Variants in ADD3 observed in about 807,000 individuals in gnomAD.
The protein encoded by ADD3 is gamma-adducin.
ADD3 carries 25 observed loss-of-function variants against 80.2 expected under a neutral mutation model. That is an observed-to-expected ratio of 0.31 (90% CI 0.23 to 0.44). The LOEUF (loss-of-function observed/expected upper bound fraction) is 0.44. Among genes scored for constraint, ADD3 ranks in the 20% least tolerant of loss-of-function variants. ADD3 has a pLI of 1.00. For missense variants in ADD3, 829 were observed against 847.5 expected, an observed-to-expected ratio of 0.98 and a Z score of 0.27; for synonymous variants, 284 against 289.6, an observed-to-expected ratio of 0.98 and a Z score of 0.20.
intron 2 of ADD3, chr10:110,112,353 C>G (rs1850148973): frequency 6.5e-6 from 1 of 154,370 alleles, no homozygotes; most frequent in South Asian, 2.0e-4. Flanking sequence ...CTCCCCACCT[C>G]AGGTGATCCA....
intron 1 of ADD3, among the ~76,000 whole-genome samples, chr10:110,094,836 T>A (rs1847971995): frequency 1.3e-5 from 2 of 152,236 alleles, no homozygotes; most frequent in South Asian, 4.1e-4. Flanking sequence ...ATTTGTTGTT[T>A]TGTTTTTTAA....
At chr10:110,113,256 T>C (rs548539429) in intron 3 of ADD3, among the ~76,000 whole-genome samples, 1 of 152,108 alleles carries the variant, frequency 6.6e-6, no homozygotes, top group South Asian at 2.1e-4. Context: ...TCTATTTTTG[T>C]TTTTTTGTTG....
In ADD3 at chr10:110,073,672, A is replaced by G. The variant is rs74429653; in HGVS notation, c.-29-26953A>G. On this transcript the variant is annotated intron_variant, in intron 1 of 14. Coordinates refer to ENST00000356080, the MANE Select transcript of ADD3 (RefSeq NM_016824.5). ...TACTCTGATCATCTCCTTGCCCCCT[A>G]TTTTTCTGTCATTTTGCTTTCCTTT... Among the ~76,000 whole-genome samples, 1,224 of 151,728 alleles carry G rather than the reference A, an allele frequency of 8.1e-3. 17 individuals are homozygous for G. The highest frequency in any genetic ancestry group is 0.027 in the African/African-American group (1,123 of 41,348).
intron 9 of ADD3, among the ~76,000 whole-genome samples, chr10:110,123,488 G>T (rs561599180): frequency 7.9e-5 from 12 of 152,236 alleles, no homozygotes; most frequent in Admixed American, 6.5e-4. Context: ...CCATTTGTAT[G>T]TCTTCTTTTG....
chr10:110,070,736 G>A (rs545250401), intron 1 of ADD3, among the ~76,000 whole-genome samples: 45 of 152,190 alleles, frequency 3.0e-4, no homozygotes, highest in Admixed American at 7.2e-4. Flanking sequence ...GGGGTTGAAG[G>A]ATAAAGATTG....
chr10:110,128,803 T>C (rs1020169647), intron 12 of ADD3, among the ~76,000 whole-genome samples: 1 of 152,234 alleles, frequency 6.6e-6, no homozygotes, highest in Non-Finnish European at 1.5e-5. Context: ...CTTATTGCTC[T>C]AAGGGTATCA....
chr10:110,025,931 A>G (rs1854236618), intron 1 of ADD3, among the ~76,000 whole-genome samples: 1 of 152,172 alleles, frequency 6.6e-6, no homozygotes, highest in South Asian at 2.1e-4. Context: ...AAAAAAGAAA[A>G]AAAAAATTTC....
At chr10:110,086,896 C>T (rs111288579) in intron 1 of ADD3, among the ~76,000 whole-genome samples, 3,768 of 152,276 alleles carry the variant, frequency 0.025, 102 homozygotes, top group South Asian at 0.13. Flanking sequence ...TCCCATAATC[C>T]AAGGGTCCCA....
At chr10:110,048,272 T>C (rs1176147154) in intron 1 of ADD3, among the ~76,000 whole-genome samples, 1 of 152,192 alleles carries the variant, frequency 6.6e-6, no homozygotes, top group Admixed American at 6.5e-5. Context: ...TCTCTTTTTC[T>C]TTATGAACTA....
intron 2 of ADD3, among the ~76,000 whole-genome samples, chr10:110,104,417 C>T (rs1849190125): frequency 1.3e-5 from 2 of 152,310 alleles, no homozygotes; most frequent in Middle Eastern, 3.4e-3. Flanking sequence ...TTTCTTCTTA[C>T]AGAAGTTTTA....
intron 1 of ADD3, among the ~76,000 whole-genome samples, chr10:110,035,328 C>T (rs1292796800): frequency 6.6e-6 from 1 of 152,152 alleles, no homozygotes; most frequent in Non-Finnish European, 1.5e-5. Context: ...CTATCACCAA[C>T]CCCATCTATC....
intron 2 of ADD3, among the ~76,000 whole-genome samples, chr10:110,104,027 G>T (rs1417103786): frequency 6.6e-6 from 1 of 152,104 alleles, no homozygotes; most frequent in East Asian, 1.9e-4. Context: ...TCTAAATGTA[G>T]TCCAGCTGCA....
Position 110,113,034 on chromosome 10 carries a change from T to C in ADD3, c.334+119T>C, listed in dbSNP as rs1038444241. The C allele has an allele frequency of 3.8e-6, 4 of 1,041,456 alleles. No homozygotes were observed. The African/African-American group carries it at 6.4e-5, about 17-fold the overall frequency. The allele number at this position is 1,041,456 out of a possible 1,614,324, so 64.5% of individuals were successfully genotyped here. A position where few individuals can be genotyped will look rare whatever the true frequency, so the allele number is the denominator to read the frequency against. On this transcript the variant is annotated intron_variant, in intron 3 of 14. Coordinates refer to ENST00000356080, the MANE Select transcript of ADD3 (RefSeq NM_016824.5). ...CCTTAAGTTTATAACATCTAATACT[T>C]AGAGTAACATAGTGTTAGACCCTCC...
chr10:110,087,402 A>G (rs1171252323), intron 1 of ADD3, among the ~76,000 whole-genome samples: 3 of 152,200 alleles, frequency 2.0e-5, no homozygotes, highest in Admixed American at 1.3e-4. Flanking sequence ...ATGATTTAGT[A>G]ACTGCTTTAA....
At chr10:110,080,052 T>C (rs1340435024) in intron 1 of ADD3, among the ~76,000 whole-genome samples, 6 of 152,220 alleles carry the variant, frequency 3.9e-5, no homozygotes, top group Non-Finnish European at 7.3e-5. Context: ...ATAATAGTGC[T>C]GTGTGGAAAT....
At chr10:110,036,930 A>T (rs1032567227) in intron 1 of ADD3, among the ~76,000 whole-genome samples, 6 of 152,182 alleles carry the variant, frequency 3.9e-5, no homozygotes, top group African/African-American at 1.4e-4. Context: ...GCCACAAAAA[A>T]TACAGCCTCT....
intron 1 of ADD3, among the ~76,000 whole-genome samples, chr10:110,033,035 T>C (rs1332269396): frequency 6.6e-6 from 1 of 152,232 alleles, no homozygotes; most frequent in Admixed American, 6.5e-5. Flanking sequence ...TGGACCTAAT[T>C]ACTCATTTAA....
intron 1 of ADD3, among the ~76,000 whole-genome samples, chr10:110,013,582 G>C (rs1852580473): frequency 6.6e-6 from 1 of 152,164 alleles, no homozygotes; most frequent in Non-Finnish European, 1.5e-5. Flanking sequence ...CTATATTAGT[G>C]AAACAATAAA....
intron 2 of ADD3, among the ~76,000 whole-genome samples, chr10:110,106,624 A>T (rs759842862): frequency 6.6e-6 from 1 of 152,140 alleles, no homozygotes; most frequent in Non-Finnish European, 1.5e-5. Flanking sequence ...CTCCCTCGAC[A>T]TTGATAGATA....
Sources: gnomAD v4.1 joint callset for allele counts (sites outside exome capture counted in the v4.1 genomes callset) on GRCh38, gnomAD v4.1.1 for gene constraint, MANE v1.5 for transcripts, NCBI Gene and HGNC (gene_info 2026-07-23, HGNC 2026-07-21) for gene names.